The following ACVR1 variants were observed in gnomAD, a reference collection of about 807,000 sequenced individuals.
The protein encoded by ACVR1 is activin receptor type-1.
A neutral mutation model predicts 57.1 loss-of-function variants in ACVR1; 38 were observed. That is an observed-to-expected ratio of 0.67 (90% CI 0.51 to 0.87). ACVR1 has a LOEUF of 0.87. Ranked by LOEUF, ACVR1 falls within the 40% of genes least tolerant of loss-of-function variation. The pLI is 0.00. For synonymous variants in ACVR1, 212 were observed against 228.1 expected (o/e 0.93, Z 0.63); for missense variants, 463 against 638.2 (o/e 0.73, Z 2.96).
chr2:157,757,134 A>C (rs893419042), intron 9 of ACVR1, among the ~76,000 whole-genome samples: 9 of 150,406 alleles, frequency 6.0e-5, no homozygotes, highest in Admixed American at 1.3e-4. Flanking sequence ...CCGGAGACTA[A>C]ATCAAGCAGA....
intron 3 of ACVR1, among the ~76,000 whole-genome samples, chr2:157,788,628 T>C (rs1036413618): frequency 1.3e-5 from 2 of 152,190 alleles, no homozygotes; most frequent in Admixed American, 6.5e-5. Context: ...GTGCCTAATT[T>C]ATAAATTAAA....
chr2:157,772,942 T>A (rs1281601967), intron 6 of ACVR1, among the ~76,000 whole-genome samples: 1 of 152,154 alleles, frequency 6.6e-6, no homozygotes, highest in Non-Finnish European at 1.5e-5. Context: ...CCTCTGCCCT[T>A]CCCCGTTTCT....
At chr2:157,801,260 C>T (rs1274884378) in intron 2 of ACVR1, among the ~76,000 whole-genome samples, 5 of 152,090 alleles carry the variant, frequency 3.3e-5, no homozygotes, top group South Asian at 2.1e-4. Context: ...ATAATGTTAG[C>T]GTGGACATGA....
chr2:157,869,165 T>G (rs931169302), intron 1 of ACVR1, among the ~76,000 whole-genome samples: 7 of 152,184 alleles, frequency 4.6e-5, no homozygotes, highest in African/African-American at 1.7e-4. Flanking sequence ...CAGCCCCACC[T>G]TTGATGCTGA....
intron 1 of ACVR1, among the ~76,000 whole-genome samples, chr2:157,849,592 A>G (rs1464129819): frequency 1.3e-5 from 2 of 152,242 alleles, no homozygotes; most frequent in Non-Finnish European, 2.9e-5. Flanking sequence ...GAAACTGTCA[A>G]TTTAAGAACT....
intron 1 of ACVR1, among the ~76,000 whole-genome samples, chr2:157,845,072 G>C (rs1689089171): frequency 6.6e-6 from 1 of 152,204 alleles, no homozygotes; most frequent in African/African-American, 2.4e-5. Flanking sequence ...ATGATTTAGT[G>C]AAAGAGGTGA....
intron 1 of ACVR1, among the ~76,000 whole-genome samples, chr2:157,819,690 A>G (rs2105331038): frequency 6.6e-6 from 1 of 152,276 alleles, no homozygotes; most frequent in African/African-American, 2.4e-5. Flanking sequence ...GATCTGGTTC[A>G]AAGGCTCATA....
rs910927513 is a variant in ACVR1, at chr2:157,833,578, A to T, written c.-182-15019T>A. 2.0e-5 allele frequency among the ~76,000 whole-genome samples: 3 copies of T among 152,296 alleles called. No individual in the cohort carries two copies. The East Asian group carries it at 5.8e-4, about 29-fold the overall frequency. On this transcript the variant is annotated intron_variant, in intron 1 of 10. Coordinates refer to ENST00000434821, the MANE Select transcript of ACVR1 (RefSeq NM_001111067.4). ...CAACACACATATAAAAAGGAAATAA[A>T]ACGTTAGCAATTGTCTCTGTTTACC...
chr2:157,876,260 G>A lies in ACVR1; in HGVS notation c.-647C>T, dbSNP rs1434636251. On this transcript the variant is annotated 5_prime_UTR_variant, in exon 1 of 11. It adds an upstream start codon to the 5' untranslated region. Coordinates refer to ENST00000434821, the MANE Select transcript of ACVR1 (RefSeq NM_001111067.4). ...GCCCCCGGGGGCGGCGGGGGAGACC[G>A]TCACAGAGAGTAGAAAAGTTCCCCC... 6.8e-6 allele frequency among the ~76,000 whole-genome samples: 1 copy of A among 147,582 alleles called. No individual in the cohort carries two copies. Among genetic ancestry groups the A allele is most frequent in the Non-Finnish European group, 1.5e-5 (1 of 66,344 alleles).
rs1160981183 is a variant in ACVR1, at chr2:157,827,736, GCTCTATCGT to G, written c.-182-9186_-182-9178del. Among the ~76,000 whole-genome samples the G allele has an allele frequency of 3.9e-5, 6 of 152,254 alleles. No homozygotes were observed. The East Asian group carries it at 1.2e-3, about 29-fold the overall frequency. ...TTGAGCACTAGTGTCTTTCAACTCA[GCTCTATCGT>G]CTCTATGGGACTGAGCAGGGAGTCA... On this transcript the variant is annotated intron_variant, in intron 1 of 10. Transcript: ENST00000434821.
chr2:157,855,287 T>C (rs1689474773), intron 1 of ACVR1, among the ~76,000 whole-genome samples: 2 of 76,602 alleles, frequency 2.6e-5, no homozygotes, highest in African/African-American at 9.6e-5. Context: ...TGTGTGTGTG[T>C]GTGTGTGTGT....
intron 2 of ACVR1, among the ~76,000 whole-genome samples, chr2:157,802,146 A>T (rs1687348159): frequency 6.6e-6 from 1 of 152,154 alleles, no homozygotes; most frequent in South Asian, 2.1e-4. Flanking sequence ...ATCTGAAAAG[A>T]ATCAGGAATC....
At position 157,760,885 on chromosome 2, in the gene ACVR1, C is replaced by T; in HGVS notation, c.1259G>A (p.Ser420Asn). 1.2e-6 allele frequency: 2 copies of T among 1,614,040 alleles called. No homozygotes were observed. The highest frequency in any genetic ancestry group is 1.7e-6 in the Non-Finnish European group (2 of 1,179,936). Residue 420 changes from serine to asparagine, a missense_variant, in exon 9 of 11, where the codon AGC (serine) becomes AAC (asparagine). This residue lies in a region of ACVR1 where 146 missense variants were observed against 186.6 expected (regional missense o/e 0.78). Coordinates refer to ENST00000434821, the MANE Select transcript of ACVR1 (RefSeq NM_001111067.4). ...VLWEVARRMVSNGIVEDYKPP... is the reference protein window; with the variant it reads ...VLWEVARRMVNNGIVEDYKPP... ...ATATTAGATTAGATACCTACCATTGCTCACCATCCGCCTGGCCACTTCCCA... is the reference window on the plus strand; with the variant it reads ...ATATTAGATTAGATACCTACCATTGTTCACCATCCGCCTGGCCACTTCCCA...
intron 1 of ACVR1, among the ~76,000 whole-genome samples, chr2:157,840,671 G>A (rs1434842741): frequency 6.6e-6 from 1 of 152,250 alleles, no homozygotes; most frequent in African/African-American, 2.4e-5. Context: ...TCTGGTTAGC[G>A]AGTGGTCCAT....
At chr2:157,796,891 C>T (rs1038330205) in intron 3 of ACVR1, among the ~76,000 whole-genome samples, 1 of 152,116 alleles carries the variant, frequency 6.6e-6, no homozygotes, top group Non-Finnish European at 1.5e-5. Context: ...TTCCCCATAC[C>T]TTCTTGGCAC....
chr2:157,808,679 A>C (rs1687644613), intron 2 of ACVR1, among the ~76,000 whole-genome samples: 1 of 152,106 alleles, frequency 6.6e-6, no homozygotes, highest in African/African-American at 2.4e-5. Flanking sequence ...CTGTCTCTTG[A>C]ATATACATCT....
chr2:157,757,118 T>C (rs1296947873), intron 9 of ACVR1, among the ~76,000 whole-genome samples: 3 of 148,672 alleles, frequency 2.0e-5, no homozygotes, highest in Non-Finnish European at 4.5e-5. Context: ...AATTTAAAAA[T>C]GCAATCCGGA....
chr2:157,791,520 CCTCTCACG>C (rs1254243320), intron 3 of ACVR1, among the ~76,000 whole-genome samples: 2 of 152,338 alleles, frequency 1.3e-5, no homozygotes, highest in South Asian at 2.1e-4. Flanking sequence ...CACATTCTGG[CCTCTCACG>C]CTCTAGGGCT....
chr2:157,866,294 A>C (rs1347955210), intron 1 of ACVR1, among the ~76,000 whole-genome samples: 1 of 152,106 alleles, frequency 6.6e-6, no homozygotes, highest in East Asian at 1.9e-4. Flanking sequence ...AGACAGATTC[A>C]CCGCACTTGG....
Sources: allele counts gnomAD v4.1 joint callset (sites outside exome capture counted in the v4.1 genomes callset), GRCh38; gene constraint gnomAD v4.1.1; regional missense constraint gnomAD v4.1.1; transcripts MANE v1.5; gene names NCBI Gene and HGNC (gene_info 2026-07-23, HGNC 2026-07-21).